Variants in MAML3 observed in about 807,000 individuals in gnomAD.
The protein encoded by MAML3 is mastermind like transcriptional coactivator 3.
In MAML3, 27 loss-of-function variants were observed where a neutral mutation model predicts 101.9. That is an observed-to-expected ratio of 0.27 (90% confidence interval 0.20 to 0.37). MAML3 has a LOEUF of 0.37. Among genes scored for constraint, MAML3 ranks in the 10% least tolerant of loss-of-function variants. The pLI, the probability that MAML3 is intolerant of heterozygous loss-of-function variation, is 1.00. For missense variants in MAML3, 1,316 were observed against 1,444.9 expected (o/e 0.91, Z 1.45); for synonymous variants, 501 against 555.9 (o/e 0.90, Z 1.39).
At chr4:139,970,974 T>C (rs1295325407) in intron 1 of MAML3, among the ~76,000 whole-genome samples, 1 of 152,136 alleles carries the variant, frequency 6.6e-6, no homozygotes, top group African/African-American at 2.4e-5. Flanking sequence ...AAATAAAAAA[T>C]CCAAATTTCC....
Position 139,989,921 on chromosome 4 carries a change from A to G in MAML3, c.469-98954T>C, listed in dbSNP as rs1367650385. On this transcript the variant is annotated intron_variant, in intron 1 of 4. Transcript: ENST00000509479. Reference sequence around the variant, plus strand: ...GAGAGAAAGAGAGAGAGAGAGATTCACTTCCATCACTTCCAGAATAATTTA... The same window carrying G: ...GAGAGAAAGAGAGAGAGAGAGATTCGCTTCCATCACTTCCAGAATAATTTA... Among the ~76,000 whole-genome samples, 20 of 151,828 alleles carry G rather than the reference A, an allele frequency of 1.3e-4. 1 individual carries two copies. Among genetic ancestry groups the G allele is most frequent in the African/African-American group, 4.8e-4 (20 of 41,312 alleles).
At chr4:140,091,674 G>A (rs1728054827) in intron 1 of MAML3, among the ~76,000 whole-genome samples, 1 of 152,104 alleles carries the variant, frequency 6.6e-6, no homozygotes, top group African/African-American at 2.4e-5. Flanking sequence ...TTTGAATGCA[G>A]TAGAAAGGCA....
At chr4:139,793,712 A>G (rs1730461547) in intron 2 of MAML3, among the ~76,000 whole-genome samples, 2 of 152,208 alleles carry the variant, frequency 1.3e-5, no homozygotes, top group Admixed American at 6.5e-5. Flanking sequence ...AAAGAACCTA[A>G]CTTACACACT....
At chr4:139,780,779 C>T (rs914386963) in intron 2 of MAML3, among the ~76,000 whole-genome samples, 10 of 151,952 alleles carry the variant, frequency 6.6e-5, no homozygotes, top group East Asian at 1.9e-4. Flanking sequence ...TACAAGTGCG[C>T]GCCACCATAG....
At chr4:139,863,255 T>C (rs2111167736) in intron 2 of MAML3, among the ~76,000 whole-genome samples, 1 of 152,158 alleles carries the variant, frequency 6.6e-6, no homozygotes, top group Admixed American at 6.5e-5. Flanking sequence ...CATTCAGGTG[T>C]TAAAAAATAT....
intron 1 of MAML3, among the ~76,000 whole-genome samples, chr4:140,008,292 G>A (rs6536634): frequency 0.94 from 142,894 of 152,268 alleles, 67,731 homozygotes; most frequent in East Asian, 1. Flanking sequence ...GGTTGCAGTG[G>A]GCCCAGATCG....
intron 1 of MAML3, chr4:140,134,582 T>C: frequency 3.0e-6 from 1 of 336,038 alleles, no homozygotes; most frequent in East Asian, 7.6e-5. Flanking sequence ...AAATATAAAC[T>C]CCGATGAGTG....
intron 1 of MAML3, among the ~76,000 whole-genome samples, chr4:139,938,255 C>A (rs895254755): frequency 6.6e-6 from 1 of 152,192 alleles, no homozygotes; most frequent in Non-Finnish European, 1.5e-5. Context: ...AACAGCAATG[C>A]TAAGCCCTGG....
At chr4:139,843,533 C>T (rs1398852459) in intron 2 of MAML3, among the ~76,000 whole-genome samples, 2 of 152,170 alleles carry the variant, frequency 1.3e-5, no homozygotes, top group Non-Finnish European at 2.9e-5. Flanking sequence ...AACCCAAAAC[C>T]TGATGAATTA....
In MAML3 at chr4:139,885,932, C is replaced by CAAAAA. The variant is rs1182443191; in HGVS notation, c.2079+3420_2079+3424dup. Among the ~76,000 whole-genome samples the CAAAAA allele has an allele frequency of 2.2e-3, 44 of 20,200 alleles. 1 individual carries two copies. The highest frequency in any genetic ancestry group is 0.016 in the South Asian group (3 of 186). The allele number at this position is 20,200 out of a possible 152,430, so 13.3% of individuals were successfully genotyped here. On this transcript the variant is annotated intron_variant, in intron 2 of 4. Coordinates refer to ENST00000509479, the MANE Select transcript of MAML3 (RefSeq NM_018717.5). ...TGGGCGACAGGGCAAGACTCCGTCT[C>CAAAAA]AAAAAAAAAAAAAAAAAAAAAAAAA...
intron 3 of MAML3, 80 bp from the exon 4 acceptor site, chr4:139,725,915 G>A (rs961286121): frequency 1.7e-6 from 2 of 1,199,708 alleles, no homozygotes; most frequent in Admixed American, 1.8e-5. Flanking sequence ...CAGTTCCGAG[G>A]AAGGTAGTGT....
rs80114817 is a variant in MAML3, at chr4:139,987,435, C to T, written c.469-96468G>A. On this transcript the variant is annotated intron_variant, in intron 1 of 4. Coordinates refer to ENST00000509479, the MANE Select transcript of MAML3 (RefSeq NM_018717.5). ...TCATCTTTTTGTTCTGTGGTGGGAA[C>T]GCCGTGCGTCATCACTGAATGTTCA... 8.2e-3 allele frequency among the ~76,000 whole-genome samples: 1,243 copies of T among 152,252 alleles called. 20 individuals carry two copies. Among genetic ancestry groups the T allele is most frequent in the African/African-American group, 0.028 (1,180 of 41,552 alleles).
At chr4:139,737,095 A>G (rs780626413) in intron 2 of MAML3, among the ~76,000 whole-genome samples, 92 of 152,252 alleles carry the variant, frequency 6.0e-4, no homozygotes, top group Non-Finnish European at 1.0e-3. Flanking sequence ...AGGAAGGGCG[A>G]GTCCCCTATA....
chr4:140,029,778 A>G (rs1417491745), intron 1 of MAML3, among the ~76,000 whole-genome samples: 1 of 152,232 alleles, frequency 6.6e-6, no homozygotes, highest in African/African-American at 2.4e-5. Context: ...CAAAACTACC[A>G]TAAGCAAAGA....
intron 1 of MAML3, among the ~76,000 whole-genome samples, chr4:139,902,397 G>C (rs139892746): frequency 6.6e-6 from 1 of 152,308 alleles, no homozygotes; most frequent in Non-Finnish European, 1.5e-5. Flanking sequence ...AAACCTGAGG[G>C]GGCTTAGGGA....
At chr4:139,877,475 C>T (rs185559461) in intron 2 of MAML3, among the ~76,000 whole-genome samples, 2 of 152,212 alleles carry the variant, frequency 1.3e-5, no homozygotes, top group Non-Finnish European at 2.9e-5. Context: ...AGAAAGGACT[C>T]TCTTCAAATA....
chr4:139,832,300 C>G, intron 2 of MAML3, among the ~76,000 whole-genome samples: 1 of 143,286 alleles, frequency 7.0e-6, no homozygotes, highest in Admixed American at 6.9e-5. Flanking sequence ...TTTTAGTAGA[C>G]AGGGTTTTGC....
chr4:139,728,281 C>A (rs542470672), intron 3 of MAML3, among the ~76,000 whole-genome samples: 1 of 152,182 alleles, frequency 6.6e-6, no homozygotes. Context: ...ACAACCTGCA[C>A]TAAATCTGCA....
At chr4:139,905,885 G>A (rs1219787044) in intron 1 of MAML3, among the ~76,000 whole-genome samples, 2 of 152,098 alleles carry the variant, frequency 1.3e-5, no homozygotes, top group Non-Finnish European at 2.9e-5. Flanking sequence ...TCCAAATACT[G>A]TCACATTTTG....
Sources: allele counts gnomAD v4.1 joint callset (sites outside exome capture counted in the v4.1 genomes callset), GRCh38; gene constraint gnomAD v4.1.1; transcripts MANE v1.5; gene names NCBI Gene and HGNC (gene_info 2026-07-23, HGNC 2026-07-21).